Variants in SPATS2L observed in about 807,000 individuals in gnomAD.
SPATS2L encodes SPATS2-like protein.
SPATS2L carries 30 observed loss-of-function variants against 59.6 expected under a neutral mutation model. The observed-to-expected ratio is 0.50, with a 90% CI of 0.38 to 0.68. The LOEUF (loss-of-function observed/expected upper bound fraction) is 0.68, where lower values mean the gene tolerates loss of function less well. Ranked by LOEUF, SPATS2L falls within the 30% of genes least tolerant of loss-of-function variation. SPATS2L has a pLI of 0.00. For missense variants in SPATS2L, 615 were observed against 700.0 expected, an observed-to-expected ratio of 0.88 and a Z score of 1.37; for synonymous variants, 252 against 263.5, an observed-to-expected ratio of 0.96 and a Z score of 0.42.
intron 2 of SPATS2L, among the ~76,000 whole-genome samples, chr2:200,335,369 A>T (rs530872137): frequency 4.2e-5 from 6 of 144,112 alleles, no homozygotes; most frequent in African/African-American, 1.5e-4. Flanking sequence ...CAGAGCAAAG[A>T]TTCTGTCTCA....
intron 4 of SPATS2L, among the ~76,000 whole-genome samples, chr2:200,413,041 C>T (rs1267031377): frequency 6.6e-6 from 1 of 152,126 alleles, no homozygotes; most frequent in Non-Finnish European, 1.5e-5. Flanking sequence ...AGATGACAGA[C>T]TGAGACCCTG....
At chr2:200,363,267 G>GA (rs1486458763) in intron 2 of SPATS2L, among the ~76,000 whole-genome samples, 1 of 148,150 alleles carries the variant, frequency 6.7e-6, no homozygotes, top group East Asian at 2.0e-4. Context: ...TCCTCGCTAG[G>GA]AAAAAAATCA....
intron 2 of SPATS2L, among the ~76,000 whole-genome samples, chr2:200,355,944 T>C (rs2080900472): frequency 6.6e-6 from 1 of 152,226 alleles, no homozygotes; most frequent in South Asian, 2.1e-4. Flanking sequence ...CGTGTGTACC[T>C]GTAAAACACA....
chr2:200,468,337 C>T (rs1375388294), intron 10 of SPATS2L, among the ~76,000 whole-genome samples: 2 of 149,648 alleles, frequency 1.3e-5, no homozygotes, highest in Non-Finnish European at 3.0e-5. Context: ...CACTTTTTCA[C>T]CCAGTATACT....
At chr2:200,323,487 T>C (rs935099845) in intron 1 of SPATS2L, among the ~76,000 whole-genome samples, 2 of 152,248 alleles carry the variant, frequency 1.3e-5, no homozygotes, top group Admixed American at 1.3e-4. Flanking sequence ...ATTTGTAAGA[T>C]AAATGTAGAA....
chr2:200,315,741 G>T (rs2079349382), intron 1 of SPATS2L, among the ~76,000 whole-genome samples: 1 of 151,866 alleles, frequency 6.6e-6, no homozygotes, highest in Non-Finnish European at 1.5e-5. Context: ...GGCCTGAAGG[G>T]CTTTGAGGGA....
chr2:200,314,651 G>A (rs2079305094), intron 1 of SPATS2L, among the ~76,000 whole-genome samples: 1 of 152,110 alleles, frequency 6.6e-6, no homozygotes, highest in African/African-American at 2.4e-5. Context: ...CCCACTGTCT[G>A]CCCCTGCCCG....
intron 3 of SPATS2L, among the ~76,000 whole-genome samples, chr2:200,410,069 A>C (rs1261802234): frequency 6.6e-6 from 1 of 151,748 alleles, no homozygotes; most frequent in Non-Finnish European, 1.5e-5. Context: ...TGGATTGAAA[A>C]CCTTTGTCTA....
intron 7 of SPATS2L, 123 bp downstream of exon 7, chr2:200,439,451 T>G: frequency 1.3e-6 from 1 of 775,624 alleles, no homozygotes; most frequent in Non-Finnish European, 2.1e-6. Flanking sequence ...AATTGCATTT[T>G]TTTTTCTGTG....
At chr2:200,360,443 C>T (rs545513265) in intron 2 of SPATS2L, among the ~76,000 whole-genome samples, 43 of 152,356 alleles carry the variant, frequency 2.8e-4, no homozygotes, top group African/African-American at 9.9e-4. Flanking sequence ...ATTACATCCC[C>T]TTCTCTACCT....
intron 2 of SPATS2L, among the ~76,000 whole-genome samples, chr2:200,383,657 TAA>T (rs2081898661): frequency 6.6e-6 from 1 of 152,230 alleles, no homozygotes; most frequent in African/African-American, 2.4e-5. Flanking sequence ...TTTCCCTCTC[TAA>T]GTCATACGTC....
intron 8 of SPATS2L, among the ~76,000 whole-genome samples, chr2:200,455,326 A>G (rs1234379821): frequency 1.3e-5 from 2 of 152,252 alleles, no homozygotes; most frequent in African/African-American, 2.4e-5. Context: ...GACCTGAAGG[A>G]GGACTCAGAG....
intron 6 of SPATS2L, among the ~76,000 whole-genome samples, chr2:200,430,471 A>T (rs1464670808): frequency 6.6e-6 from 1 of 151,944 alleles, no homozygotes; most frequent in East Asian, 1.9e-4. Context: ...CCCCCCAGAA[A>T]CAACCACCGT....
chr2:200,369,793 T>C (rs2081372696), intron 2 of SPATS2L, among the ~76,000 whole-genome samples: 1 of 152,198 alleles, frequency 6.6e-6, no homozygotes, highest in Admixed American at 6.5e-5. Context: ...AATGATGTAG[T>C]TATTTCTGTC....
chr2:200,372,955 G>A (rs1027898723), intron 2 of SPATS2L, among the ~76,000 whole-genome samples: 4 of 152,200 alleles, frequency 2.6e-5, no homozygotes, highest in Non-Finnish European at 5.9e-5. Context: ...GCACAGAGCA[G>A]GTGCCCACTA....
At chr2:200,336,487 T>C (rs1046572973) in intron 2 of SPATS2L, among the ~76,000 whole-genome samples, 6 of 152,206 alleles carry the variant, frequency 3.9e-5, no homozygotes, top group African/African-American at 1.4e-4. Flanking sequence ...TACTTACTGC[T>C]CATAGTTAAA....
intron 1 of SPATS2L, among the ~76,000 whole-genome samples, chr2:200,317,277 A>G (rs1183445266): frequency 1.3e-5 from 2 of 152,218 alleles, no homozygotes; most frequent in African/African-American, 4.8e-5. Context: ...TGGCTATATG[A>G]ATTTGAGCAA....
At chr2:200,360,779 CT>C (rs2081071678) in intron 2 of SPATS2L, among the ~76,000 whole-genome samples, 1 of 152,140 alleles carries the variant, frequency 6.6e-6, no homozygotes, top group South Asian at 2.1e-4. Context: ...AAGGAGCACT[CT>C]TTCTTTTTTT....
rs530871876 is a variant in SPATS2L, at chr2:200,438,532, C to T, written c.446-590C>T. 7.2e-5 allele frequency among the ~76,000 whole-genome samples: 11 copies of T among 152,260 alleles called. 1 individual carries two copies. The East Asian group carries it at 2.1e-3, about 29-fold the overall frequency. ...AAATCTCCAGAGAGAATCTGACTCC[C>T]TAGATTTTAAATATAGTTGAGATAT... On this transcript the variant is annotated intron_variant, in intron 6 of 12. Transcript: ENST00000409140.
Sources: allele counts gnomAD v4.1 joint callset (sites outside exome capture counted in the v4.1 genomes callset), GRCh38; gene constraint gnomAD v4.1.1; transcripts MANE v1.5; gene names NCBI Gene and HGNC (gene_info 2026-07-23, HGNC 2026-07-21).